CFAP54: variants seen among roughly 807,000 people sequenced by gnomAD.
CFAP54 encodes the protein cilia- and flagella-associated protein 54.
A neutral mutation model predicts 370.4 loss-of-function variants in CFAP54; 290 were observed. That is an observed-to-expected ratio of 0.78 (90% CI 0.71 to 0.86). The LOEUF (loss-of-function observed/expected upper bound fraction) is 0.86, where lower values mean the gene tolerates loss of function less well. CFAP54 is among the 40% of genes least tolerant of loss of function. The pLI is 0.00. For synonymous variants in CFAP54, 1,206 were observed against 1,236.5 expected (o/e 0.98, Z 0.52); for missense variants, 3,399 against 3,528.7 (o/e 0.96, Z 0.93).
intron 50 of CFAP54, among the ~76,000 whole-genome samples, chr12:96,737,437 A>C (rs1414761593): frequency 2.7e-5 from 4 of 150,214 alleles, no homozygotes; most frequent in African/African-American, 9.7e-5. Flanking sequence ...ATGTTAGCAC[A>C]ATATTTTCAG....
At chr12:96,603,650 G>A (rs192230020) in intron 26 of CFAP54, among the ~76,000 whole-genome samples, 12 of 152,224 alleles carry the variant, frequency 7.9e-5, no homozygotes, top group East Asian at 7.7e-4. Context: ...GGCTTTGTTC[G>A]TTTCTTTTTA....
intron 50 of CFAP54, among the ~76,000 whole-genome samples, chr12:96,735,613 A>G (rs1957971517): frequency 6.6e-6 from 1 of 152,214 alleles, no homozygotes; most frequent in Non-Finnish European, 1.5e-5. Context: ...TAATTCCTGA[A>G]AAAGGTGATA....
chr12:96,664,759 A>ATCTATCTATATC (rs1555283277), intron 39 of CFAP54, among the ~76,000 whole-genome samples: 1 of 26,134 alleles, frequency 3.8e-5, no homozygotes, highest in Non-Finnish European at 6.5e-5. Context: ...ATATATCTAT[A>ATCTATCTATATC]TATATCTATA....
chr12:96,746,595 C>A (rs913686263), intron 55 of CFAP54, among the ~76,000 whole-genome samples: 3 of 152,144 alleles, frequency 2.0e-5, no homozygotes, highest in Admixed American at 1.3e-4. Context: ...CCATAATTAC[C>A]TTTCTATTTC....
chr12:96,828,707 T>A (rs1046955250), intron 65 of CFAP54, among the ~76,000 whole-genome samples: 3 of 152,182 alleles, frequency 2.0e-5, no homozygotes. Context: ...CATTCTTCTC[T>A]GCTGCAAGCC....
intron 5 of CFAP54, among the ~76,000 whole-genome samples, chr12:96,517,902 A>G (rs2052292): frequency 0.56 from 85,331 of 152,024 alleles, 24,613 homozygotes; most frequent in East Asian, 0.74. Context: ...GGCTACATAA[A>G]TGTTTTTAGA....
At chr12:96,824,463 A>T (rs536445435) in intron 65 of CFAP54, among the ~76,000 whole-genome samples, 1 of 152,320 alleles carries the variant, frequency 6.6e-6, no homozygotes, top group African/African-American at 2.4e-5. Flanking sequence ...TGAAATCCTT[A>T]CAATAACCCA....
chr12:96,745,548 GA>G (rs1312970515), intron 55 of CFAP54, among the ~76,000 whole-genome samples: 1 of 150,160 alleles, frequency 6.7e-6, no homozygotes, highest in Non-Finnish European at 1.5e-5. Flanking sequence ...AAATTTGTTT[GA>G]GTTCTTTGTA....
At chr12:96,495,197 T>G (rs908511835) in intron 1 of CFAP54, among the ~76,000 whole-genome samples, 2 of 152,176 alleles carry the variant, frequency 1.3e-5, no homozygotes, top group African/African-American at 2.4e-5. Flanking sequence ...CACATAAGAT[T>G]GAGGTATTCT....
chr12:96,853,605 TATAGAGCACTGTA>T, intron 66 of CFAP54, among the ~76,000 whole-genome samples: 1 of 152,142 alleles, frequency 6.6e-6, no homozygotes, highest in Non-Finnish European at 1.5e-5. Flanking sequence ...AAGAGGAAAA[TATAGAGCACTGTA>T]TTTTAGCATG....
intron 49 of CFAP54, 114 bp from the exon 50 acceptor site, chr12:96,720,291 T>A: frequency 2.1e-6 from 2 of 931,534 alleles, no homozygotes; most frequent in Non-Finnish European, 2.9e-6. Context: ...AAGTTCCTTT[T>A]TGGTCTTCCA....
chr12:96,797,935 T>C (rs1034661371), intron 63 of CFAP54, among the ~76,000 whole-genome samples: 1 of 152,022 alleles, frequency 6.6e-6, no homozygotes, highest in Non-Finnish European at 1.5e-5. Flanking sequence ...TACTTTTGGA[T>C]TGATTTCTTT....
At chr12:96,792,008 C>T (rs934172404) in intron 62 of CFAP54, among the ~76,000 whole-genome samples, 1 of 152,116 alleles carries the variant, frequency 6.6e-6, no homozygotes, top group Non-Finnish European at 1.5e-5. Context: ...CGCCACCATG[C>T]CCGGCTAATT....
intron 63 of CFAP54, among the ~76,000 whole-genome samples, chr12:96,798,560 C>A (rs1056416039): frequency 6.6e-6 from 1 of 151,968 alleles, no homozygotes; most frequent in African/African-American, 2.4e-5. Context: ...GAATGGTCTT[C>A]TTTTTATTTT....
intron 65 of CFAP54, among the ~76,000 whole-genome samples, chr12:96,825,804 A>G (rs1959093080): frequency 7.7e-6 from 1 of 130,264 alleles, no homozygotes; most frequent in Admixed American, 8.4e-5. Context: ...TATATTACAT[A>G]TTATAATATA....
At chr12:96,760,785 C>T (rs1403888612) in intron 58 of CFAP54, among the ~76,000 whole-genome samples, 1 of 152,126 alleles carries the variant, frequency 6.6e-6, no homozygotes, top group African/African-American at 2.4e-5. Flanking sequence ...TAGTGTGTAA[C>T]GGTAGTTTTG....
chr12:96,840,904 G>A (rs536894325), intron 66 of CFAP54, among the ~76,000 whole-genome samples: 13 of 152,208 alleles, frequency 8.5e-5, no homozygotes, highest in Admixed American at 7.9e-4. Flanking sequence ...GAAAAAGAAA[G>A]CCCTTAAGAA....
At chr12:96,675,944 G>C (rs554294937) in intron 39 of CFAP54, among the ~76,000 whole-genome samples, 2 of 151,990 alleles carry the variant, frequency 1.3e-5, no homozygotes, top group Admixed American at 6.6e-5. Flanking sequence ...GTTTTGGGGT[G>C]GGGGGCAGGG....
chr12:96,753,943 T>A, intron 56 of CFAP54, 45 bp downstream of exon 56: 1 of 1,578,364 alleles, frequency 6.3e-7, no homozygotes, highest in Non-Finnish European at 8.6e-7. Flanking sequence ...TTTATGGAAT[T>A]CTTTTTTCTG....
Sources: allele counts gnomAD v4.1 joint callset (sites outside exome capture counted in the v4.1 genomes callset), GRCh38; gene constraint gnomAD v4.1.1; transcripts MANE v1.5; gene names NCBI Gene and HGNC (gene_info 2026-07-23, HGNC 2026-07-21).